Variants in IFT88 observed in about 807,000 individuals in gnomAD.
IFT88 encodes intraflagellar transport protein 88 homolog.
In IFT88, 74 loss-of-function variants were observed where a neutral mutation model predicts 119.5. The ratio of observed to expected loss-of-function variants is 0.62; its 90% CI spans 0.51 to 0.75. IFT88 has a LOEUF of 0.75. Ranked by LOEUF, IFT88 falls within the 30% of genes least tolerant of loss-of-function variation. The probability of loss-of-function intolerance (pLI) is 0.00; values close to 1 mark genes in which losing one functional copy is unlikely to be tolerated. For synonymous variants in IFT88, 279 were observed against 316.7 expected (o/e 0.88, Z 1.26); for missense variants, 961 against 977.7 (o/e 0.98, Z 0.23).
At position 20,660,203 on chromosome 13, in the gene IFT88, C is replaced by T. The variant is rs535405819; in HGVS notation, c.2069-3295C>T. ...TATTTGAGACAGGGTTGTCATGGAA[C>T]GGCTTTCTGTTAAATTAGCATTTGA... On this transcript the variant is annotated intron_variant, in intron 22 of 25. Coordinates refer to ENST00000351808, the MANE Select transcript of IFT88 (RefSeq NM_006531.5). Among the ~76,000 whole-genome samples, 8 of 152,258 alleles carry T rather than the reference C, an allele frequency of 5.3e-5. No homozygotes were observed. The South Asian group carries it at 1.0e-3, about 20-fold the overall frequency.
At chr13:20,629,928 A>G (rs953013388) in intron 15 of IFT88, among the ~76,000 whole-genome samples, 1 of 152,228 alleles carries the variant, frequency 6.6e-6, no homozygotes, top group Non-Finnish European at 1.5e-5. Flanking sequence ...AGCAATTTCT[A>G]GGTTGAATAC....
intron 20 of IFT88, among the ~76,000 whole-genome samples, chr13:20,646,753 A>G (rs1055397225): frequency 2.0e-5 from 3 of 150,938 alleles, no homozygotes; most frequent in African/African-American, 7.3e-5. Context: ...CCTTCCCCTT[A>G]TCTTGCAGTC....
intron 9 of IFT88, among the ~76,000 whole-genome samples, chr13:20,597,985 A>G (rs2042035397): frequency 6.6e-6 from 1 of 152,048 alleles, no homozygotes; most frequent in Admixed American, 6.5e-5. Flanking sequence ...ATTTCTAGCA[A>G]CATTTATTTA....
intron 15 of IFT88, among the ~76,000 whole-genome samples, chr13:20,627,730 C>CAAAAAAAAAAAAAA (rs58325378): frequency 1.2e-5 from 1 of 80,280 alleles, no homozygotes; most frequent in Non-Finnish European, 2.4e-5. Context: ...GACTTCATCT[C>CAAAAAAAAAAAAAA]AAAAAAAAAA....
intron 22 of IFT88, among the ~76,000 whole-genome samples, chr13:20,661,293 G>A (rs2053735478): frequency 1.3e-5 from 2 of 152,292 alleles, no homozygotes; most frequent in East Asian, 1.9e-4. Flanking sequence ...GGAAAGGCAG[G>A]AACAGGCACT....
intron 3 of IFT88, among the ~76,000 whole-genome samples, chr13:20,588,494 T>C (rs2040111366): frequency 6.6e-6 from 1 of 152,164 alleles, no homozygotes; most frequent in Non-Finnish European, 1.5e-5. Context: ...ATGAAAAATT[T>C]TAGAGATACT....
rs1453400252 is a variant in IFT88, at chr13:20,631,216, T to C, written c.1386+114T>C. On this transcript the variant is annotated intron_variant, in intron 16 of 25. Transcript: ENST00000351808. ...AAGAATATTGGTGGAGAATGGTAAG[T>C]GGACTGAGGAGTATAGAGGATCTGA... 6.9e-6 allele frequency: 5 copies of C among 729,914 alleles called. No individual in the cohort carries two copies. In the East Asian group the frequency reaches 1.3e-4, roughly 19 times the overall value. The allele number at this position is 729,914 out of a possible 1,614,324, so 45.2% of individuals were successfully genotyped here. A position where few individuals can be genotyped will look rare whatever the true frequency, so the allele number is the denominator to read the frequency against.
intron 14 of IFT88, among the ~76,000 whole-genome samples, chr13:20,623,637 GC>G (rs760382952): frequency 2.0e-5 from 3 of 152,098 alleles, no homozygotes; most frequent in Non-Finnish European, 2.9e-5. Context: ...ACCATGCCCA[GC>G]TAATTTTTTT....
At chr13:20,629,743 T>C (rs1355107817) in intron 15 of IFT88, among the ~76,000 whole-genome samples, 1 of 152,222 alleles carries the variant, frequency 6.6e-6, no homozygotes, top group Non-Finnish European at 1.5e-5. Flanking sequence ...CAACTGTAGC[T>C]GACAACCATT....
intron 24 of IFT88, among the ~76,000 whole-genome samples, chr13:20,671,249 AT>A (rs59107225): frequency 0.16 from 23,909 of 152,254 alleles, 2,126 homozygotes; most frequent in African/African-American, 0.23. Flanking sequence ...TTAAATAACC[AT>A]GCTTGTTTTT....
At chr13:20,603,984 C>T (rs1009783838) in intron 12 of IFT88, among the ~76,000 whole-genome samples, 7 of 152,068 alleles carry the variant, frequency 4.6e-5, no homozygotes, top group Admixed American at 6.6e-5. Context: ...CATCTAAGCC[C>T]GGGGAGGTCA....
intron 13 of IFT88, among the ~76,000 whole-genome samples, chr13:20,609,537 A>T (rs1161237359): frequency 6.6e-6 from 1 of 152,090 alleles, no homozygotes; most frequent in Admixed American, 6.6e-5. Context: ...CAGGTGCATC[A>T]CTAGAGACCA....
At chr13:20,669,018 G>A (rs1349746489) in intron 23 of IFT88, among the ~76,000 whole-genome samples, 1 of 152,170 alleles carries the variant, frequency 6.6e-6, no homozygotes, top group East Asian at 1.9e-4. Context: ...TGTTTCCCCA[G>A]CACAGTGTCC....
intron 1 of IFT88, among the ~76,000 whole-genome samples, chr13:20,569,828 A>T (rs1566026527): frequency 6.6e-6 from 1 of 151,974 alleles, no homozygotes; most frequent in Non-Finnish European, 1.5e-5. Context: ...GGAGATCGAG[A>T]CCATACCGGC....
At chr13:20,611,747 G>C (rs1281211118) in intron 13 of IFT88, among the ~76,000 whole-genome samples, 1 of 152,006 alleles carries the variant, frequency 6.6e-6, no homozygotes, top group East Asian at 2.0e-4. Flanking sequence ...TGGGACTACA[G>C]GCGCCTGCCA....
intron 24 of IFT88, among the ~76,000 whole-genome samples, chr13:20,678,441 A>G (rs1215005797): frequency 6.6e-6 from 1 of 152,250 alleles, no homozygotes; most frequent in Non-Finnish European, 1.5e-5. Context: ...ATTATAGATT[A>G]GCTAGAAGCA....
intron 16 of IFT88, among the ~76,000 whole-genome samples, chr13:20,634,602 C>T (rs1439894940): frequency 3.3e-5 from 5 of 151,986 alleles, no homozygotes; most frequent in Non-Finnish European, 7.4e-5. Flanking sequence ...TGGTGCATAC[C>T]TGTAGTCCCA....
chr13:20,643,555 T>C lies in IFT88; in HGVS notation c.1783T>C (p.Leu595=). 6.2e-7 allele frequency: 1 copy of C among 1,610,460 alleles called. No individual in the cohort carries two copies. Among genetic ancestry groups the C allele is most frequent in the Non-Finnish European group, 8.5e-7 (1 of 1,176,912 alleles). Residue 595 remains leucine (L), a synonymous_variant, in exon 19 of 26, where the codon TTA becomes CTA. Coordinates refer to ENST00000351808, the MANE Select transcript of IFT88 (RefSeq NM_006531.5). ...DPQVLSKLGE[L]YDREGDKSQA... The stretch of plus-strand genomic sequence containing the variant: ...TCAAGTTTTATCTAAGCTAGGAGAA[T>C]TATATGATCGTGAAGGAGATAAATC...
intron 14 of IFT88, among the ~76,000 whole-genome samples, chr13:20,619,577 C>T (rs1194219722): frequency 6.6e-6 from 1 of 152,032 alleles, no homozygotes; most frequent in East Asian, 1.9e-4. Flanking sequence ...TCATTGCTAT[C>T]TAGTAGTTCA....
Sources: allele counts gnomAD v4.1 joint callset (sites outside exome capture counted in the v4.1 genomes callset), GRCh38; gene constraint gnomAD v4.1.1; transcripts MANE v1.5; gene names NCBI Gene and HGNC (gene_info 2026-07-23, HGNC 2026-07-21).